The following LIN7A variants were observed in gnomAD, a reference collection of about 807,000 sequenced individuals.
The protein encoded by LIN7A is protein lin-7 homolog A.
In LIN7A, 25 loss-of-function variants were observed where a neutral mutation model predicts 29.8. That is an observed-to-expected ratio of 0.84 (90% CI 0.61 to 1.17). The LOEUF (loss-of-function observed/expected upper bound fraction) is 1.17, where lower values mean the gene tolerates loss of function less well. Among genes scored for constraint, LIN7A ranks in the 50% most tolerant of loss-of-function variants. LIN7A has a pLI of 0.00. For synonymous variants in LIN7A, 118 were observed against 107.5 expected (o/e 1.10, Z -0.60); for missense variants, 239 against 287.0 (o/e 0.83, Z 1.21).
At chr12:80,837,400 C>T (rs1162665759) in intron 4 of LIN7A, among the ~76,000 whole-genome samples, 1 of 151,864 alleles carries the variant, frequency 6.6e-6, no homozygotes, top group Non-Finnish European at 1.5e-5. Flanking sequence ...CACAAGTATC[C>T]TTATAGAGGG....
chr12:80,868,541 C>CG (rs1767315142), intron 2 of LIN7A, among the ~76,000 whole-genome samples: 4 of 152,158 alleles, frequency 2.6e-5, no homozygotes, highest in Non-Finnish European at 1.5e-5. Context: ...GCACTCCAGC[C>CG]TGGGCAACAA....
intron 2 of LIN7A, chr12:80,861,300 C>CAGGGTGTTG (rs1873867278): frequency 1.3e-5 from 2 of 152,806 alleles, no homozygotes; most frequent in Non-Finnish European, 2.9e-5. Context: ...TCCTTCCCTG[C>CAGGGTGTTG]AGGGTGTTGC....
At chr12:80,811,436 C>T (rs1422372805) in intron 5 of LIN7A, 29 bp downstream of exon 5, 5 of 747,164 alleles carry the variant, frequency 6.7e-6, no homozygotes, top group African/African-American at 4.0e-5. Context: ...TATATATATA[C>T]TCCTTGTATA....
At chr12:80,873,780 C>T (rs1040057809) in intron 2 of LIN7A, among the ~76,000 whole-genome samples, 12 of 151,182 alleles carry the variant, frequency 7.9e-5, no homozygotes, top group African/African-American at 2.9e-4. Context: ...CTCACCTGGA[C>T]TATTCTAAGG....
intron 2 of LIN7A, among the ~76,000 whole-genome samples, chr12:80,877,804 T>C (rs974357708): frequency 5.9e-5 from 9 of 152,124 alleles, no homozygotes; most frequent in Non-Finnish European, 1.2e-4. Context: ...AATGAACTTC[T>C]TTCTCTCCAT....
At chr12:80,836,845 A>G (rs1415368706) in intron 4 of LIN7A, among the ~76,000 whole-genome samples, 1 of 151,960 alleles carries the variant, frequency 6.6e-6, no homozygotes, top group Non-Finnish European at 1.5e-5. Flanking sequence ...TGCTTCCTTC[A>G]GCCCACACCT....
chr12:80,814,232 G>T lies in LIN7A; in HGVS notation c.484-2549C>A, dbSNP rs548244360. On this transcript the variant is annotated intron_variant, in intron 4 of 5. Transcript: ENST00000552864. Reference sequence around the variant, plus strand: ...GTTTCTTGAGAAAACATGAAAGGAAGGTAAACTTTGACAGCATCGTGCAAT... The same window carrying T: ...GTTTCTTGAGAAAACATGAAAGGAATGTAAACTTTGACAGCATCGTGCAAT... Among the ~76,000 whole-genome samples the T allele has an allele frequency of 1.3e-5, 2 of 152,178 alleles. 1 individual carries two copies. The highest frequency in any genetic ancestry group is 4.8e-5 in the African/African-American group (2 of 41,518).
chr12:80,878,811 A>C (rs1186376060), intron 2 of LIN7A, among the ~76,000 whole-genome samples: 1 of 152,072 alleles, frequency 6.6e-6, no homozygotes, highest in East Asian at 1.9e-4. Context: ...GTTTTTACAG[A>C]GTGCTGAATG....
At chr12:80,826,191 G>A (rs1159348084) in intron 4 of LIN7A, among the ~76,000 whole-genome samples, 3 of 152,238 alleles carry the variant, frequency 2.0e-5, no homozygotes, top group African/African-American at 7.2e-5. Flanking sequence ...CCAATTAAAT[G>A]TACACCCACA....
intron 2 of LIN7A, among the ~76,000 whole-genome samples, chr12:80,864,495 A>T (rs1450721350): frequency 6.6e-6 from 1 of 152,176 alleles, no homozygotes. Context: ...TGTTTTCATT[A>T]GGAACATTGT....
chr12:80,874,394 G>A (rs913718295), intron 2 of LIN7A, among the ~76,000 whole-genome samples: 1 of 152,134 alleles, frequency 6.6e-6, no homozygotes, highest in Non-Finnish European at 1.5e-5. Context: ...TCCAGAAAGG[G>A]CTGAAATTTT....
At chr12:80,804,577 C>T (rs1470004920) in intron 5 of LIN7A, among the ~76,000 whole-genome samples, 1 of 151,734 alleles carries the variant, frequency 6.6e-6, no homozygotes, top group Admixed American at 6.6e-5. Flanking sequence ...CTTGATCTGC[C>T]ATCAAGGCTG....
intron 4 of LIN7A, among the ~76,000 whole-genome samples, chr12:80,821,885 C>T (rs1380977491): frequency 6.6e-6 from 1 of 152,210 alleles, no homozygotes; most frequent in Non-Finnish European, 1.5e-5. Flanking sequence ...CTGCCTGTGC[C>T]TGCTCAGATT....
intron 2 of LIN7A, among the ~76,000 whole-genome samples, chr12:80,851,824 A>C (rs1208620562): frequency 1.3e-5 from 2 of 152,172 alleles, no homozygotes; most frequent in Admixed American, 1.3e-4. Context: ...TAATTCATAG[A>C]AACTCATAGG....
At chr12:80,854,292 T>A (rs999648440) in intron 2 of LIN7A, among the ~76,000 whole-genome samples, 1 of 151,752 alleles carries the variant, frequency 6.6e-6, no homozygotes, top group Non-Finnish European at 1.5e-5. Context: ...AAGGAACAAC[T>A]GGCTGGGCAC....
chr12:80,889,794 T>G (rs1875532172), intron 1 of LIN7A, among the ~76,000 whole-genome samples: 1 of 152,164 alleles, frequency 6.6e-6, no homozygotes, highest in African/African-American at 2.4e-5. Flanking sequence ...ATTAATGGAT[T>G]GCTGTGTATC....
At chr12:80,811,808 G>A in intron 4 of LIN7A, 125 bp from the exon 5 acceptor site, 1 of 1,078,660 alleles carries the variant, frequency 9.3e-7, no homozygotes, top group Non-Finnish European at 1.3e-6. Flanking sequence ...TGGCAAATGA[G>A]TTATCTTACC....
chr12:80,847,359 T>G (rs1873126182), intron 3 of LIN7A, among the ~76,000 whole-genome samples: 2 of 152,112 alleles, frequency 1.3e-5, no homozygotes, highest in African/African-American at 4.8e-5. Context: ...TTTTTTTCCC[T>G]GAGTTTAAAC....
intron 2 of LIN7A, among the ~76,000 whole-genome samples, chr12:80,881,705 T>G (rs560425901): frequency 7.7e-4 from 117 of 152,270 alleles, no homozygotes; most frequent in Middle Eastern, 3.4e-3. Context: ...AGTCTGTATA[T>G]GATCTTTAAC....
Sources: allele counts gnomAD v4.1 joint callset (sites outside exome capture counted in the v4.1 genomes callset), GRCh38; gene constraint gnomAD v4.1.1; transcripts MANE v1.5; gene names NCBI Gene and HGNC (gene_info 2026-07-23, HGNC 2026-07-21).